The following SRC variants were observed in gnomAD, a reference collection of about 807,000 sequenced individuals.
SRC encodes SRC proto-oncogene, non-receptor tyrosine kinase.
A neutral mutation model predicts 62.9 loss-of-function variants in SRC; 13 were observed. The ratio of observed to expected loss-of-function variants is 0.21; its 90% confidence interval spans 0.13 to 0.33. The LOEUF is 0.33. SRC is among the 10% of genes least tolerant of loss of function. SRC has a pLI of 1.00. For missense variants in SRC, 457 were observed against 737.3 expected (o/e 0.62, Z 4.40); for synonymous variants, 302 against 317.5 (o/e 0.95, Z 0.52).
intron 1 of SRC, among the ~76,000 whole-genome samples, chr20:37,355,702 C>T (rs570848352): frequency 6.6e-6 from 1 of 152,052 alleles, no homozygotes; most frequent in Non-Finnish European, 1.5e-5. Context: ...GAGAGCTTCC[C>T]GGAGGAGGTG....
At position 37,396,599 on chromosome 20, in the gene SRC, C is replaced by T; in HGVS notation, c.703+288C>T. 1 of 481,550 alleles carries T rather than the reference C, an allele frequency of 2.1e-6. No homozygotes were observed. Among genetic ancestry groups the T allele is most frequent in the East Asian group, 3.6e-5 (1 of 27,484 alleles). The allele number at this position is 481,550 out of a possible 1,614,324, so 29.8% of individuals were successfully genotyped here. On this transcript the variant is annotated intron_variant, in intron 8 of 13. Coordinates refer to ENST00000373578, the MANE Select transcript of SRC (RefSeq NM_198291.3). This position sits in a 1 kb window ranked among gnomAD's most constrained non-coding sequence, Gnocchi z 6.1. ...CAGCTGGCTGGTATGGAGGGGGCTGCCCTGAGGAGCCCCAGAGTAAGCTGG... is the reference window on the plus strand; with the variant it reads ...CAGCTGGCTGGTATGGAGGGGGCTGTCCTGAGGAGCCCCAGAGTAAGCTGG...
chr20:37,391,582 G>A (rs138981480), intron 5 of SRC, among the ~76,000 whole-genome samples: 32 of 152,244 alleles, frequency 2.1e-4, no homozygotes, highest in African/African-American at 7.0e-4. Context: ...GGCCAGGCGC[G>A]GTGGCTCACT....
At chr20:37,360,214 C>CTTTT (rs1268089245) in intron 1 of SRC, among the ~76,000 whole-genome samples, 2 of 117,744 alleles carry the variant, frequency 1.7e-5, no homozygotes, top group African/African-American at 9.1e-5. Flanking sequence ...CTTTCTCTCT[C>CTTTT]TCTCTTTTTT....
chr20:37,395,026 G>A (rs1158971382), intron 7 of SRC, among the ~76,000 whole-genome samples: 39 of 152,314 alleles, frequency 2.6e-4, no homozygotes, highest in Non-Finnish European at 5.4e-4. Flanking sequence ...TTGTGTGAGC[G>A]TGTGGCTACT....
chr20:37,364,174 C>T (rs2070025970), intron 1 of SRC, among the ~76,000 whole-genome samples: 1 of 152,168 alleles, frequency 6.6e-6, no homozygotes, highest in Non-Finnish European at 1.5e-5. Context: ...AGATGCCCTG[C>T]CGGGGCCTCC....
chr20:37,380,572 C>A (rs547123051), intron 2 of SRC, among the ~76,000 whole-genome samples: 1 of 152,334 alleles, frequency 6.6e-6, no homozygotes, highest in Non-Finnish European at 1.5e-5. Flanking sequence ...TGTGGCATTG[C>A]AGGAACAAAG....
At chr20:37,389,051 G>A (rs1231771452) in intron 5 of SRC, among the ~76,000 whole-genome samples, 1 of 152,126 alleles carries the variant, frequency 6.6e-6, no homozygotes, top group Non-Finnish European at 1.5e-5. Context: ...AGCTAGAGGA[G>A]GAACCCGTCT....
At chr20:37,400,349 G>A in intron 10 of SRC, 55 bp downstream of exon 10, 2 of 1,467,138 alleles carry the variant, frequency 1.4e-6, no homozygotes, top group South Asian at 1.4e-5. Flanking sequence ...AGGGCAGGGA[G>A]CATGAGCCTC....
upstream of SRC, chr20:37,344,889 TGA>T (rs1382069640): frequency 1.3e-5 from 2 of 152,440 alleles, no homozygotes; most frequent in Non-Finnish European, 2.9e-5. Context: ...GTTTTACAGG[TGA>T]GGGGGCTGGG....
intron 2 of SRC, among the ~76,000 whole-genome samples, chr20:37,368,888 C>T (rs1378281857): frequency 6.6e-6 from 1 of 151,942 alleles, no homozygotes; most frequent in South Asian, 2.1e-4. Context: ...TTATTTTTAC[C>T]TCTTTCATTT....
intron 2 of SRC, among the ~76,000 whole-genome samples, chr20:37,370,773 T>C (rs1399418131): frequency 6.6e-6 from 1 of 152,172 alleles, no homozygotes; most frequent in African/African-American, 2.4e-5. Context: ...GTGGTTATGG[T>C]ATCGGGGTAA....
At chr20:37,349,045 G>T (rs929623606) in intron 1 of SRC, among the ~76,000 whole-genome samples, 1 of 152,188 alleles carries the variant, frequency 6.6e-6, no homozygotes, top group African/African-American at 2.4e-5. Flanking sequence ...CTGGGGCCTT[G>T]TGGGCCCTGG....
In SRC at chr20:37,397,967, T is replaced by C. The variant is rs886099425; in HGVS notation, c.859+113T>C. 2 of 1,343,172 alleles carry C rather than the reference T, an allele frequency of 1.5e-6. No individual in the cohort carries two copies. Among genetic ancestry groups the C allele is most frequent in the East Asian group, 5.1e-5 (2 of 39,224 alleles). The allele number at this position is 1,343,172 out of a possible 1,614,324, so 83.2% of individuals were successfully genotyped here. On this transcript the variant is annotated intron_variant, in intron 9 of 13. Transcript: ENST00000373578. The surrounding 1 kb of genome is among the most constrained non-coding windows in gnomAD (Gnocchi z 4.1). ...CTGCCTCTGCTGGATGACGGGGCCC[T>C]GTTGTAAATCTGGAGCTCCCCAGCG...
rs771856516 is a variant in SRC at position 37,402,595 on chromosome 20, A to G, written c.1270+7A>G. On this transcript the variant is annotated splice_region_variant and intron_variant, in intron 12 of 13. Transcript: ENST00000373578. The surrounding 1 kb of genome is among the most constrained non-coding windows in gnomAD (Gnocchi z 6.2). The stretch of plus-strand genomic sequence containing the variant: ...GAGTACACGGCGCGGCAAGGTGGGC[A>G]GGGGCTGTGTGGTATGTCGCGCTTG... 10 of 1,608,162 alleles carry G rather than the reference A, an allele frequency of 6.2e-6. No homozygotes were observed. The highest frequency in any genetic ancestry group is 8.5e-6 in the Non-Finnish European group (10 of 1,176,168).
At chr20:37,347,064 C>CT (rs533781583) in intron 1 of SRC, among the ~76,000 whole-genome samples, 282 of 152,296 alleles carry the variant, frequency 1.9e-3, no homozygotes, top group African/African-American at 6.7e-3. Context: ...AATTGCTAGG[C>CT]TGGTGGAAGG....
chr20:37,361,101 T>C (rs759076010), intron 1 of SRC, among the ~76,000 whole-genome samples: 35 of 135,628 alleles, frequency 2.6e-4, no homozygotes, highest in Non-Finnish European at 5.2e-4. Context: ...TAGTTCATGG[T>C]GGGGCAGTGA....
rs1404777861 is a variant in SRC, at chr20:37,396,871, TGTC to T, written c.703+561_703+563del. 1 of 158,516 alleles carries T rather than the reference TGTC, an allele frequency of 6.3e-6. No individual in the cohort carries two copies. The highest frequency in any genetic ancestry group is 2.4e-5 in the African/African-American group (1 of 41,482). The allele number at this position is 158,516 out of a possible 1,614,324, so 9.8% of individuals were successfully genotyped here. ...GCCTGTGGGTGCCTGTGTGCCCGTGTGTCTGTGGCACACATGGCCTCTGTGCAC... is the reference window on the plus strand; with the variant it reads ...GCCTGTGGGTGCCTGTGTGCCCGTGTTGTGGCACACATGGCCTCTGTGCAC... On this transcript the variant is annotated intron_variant, in intron 8 of 13. Transcript: ENST00000373578. This position sits in a 1 kb window ranked among gnomAD's most constrained non-coding sequence, Gnocchi z 6.1.
rs1312305624 is a variant in SRC at position 37,396,423 on chromosome 20, C to G, written c.703+112C>G. ...GGACTTCTGTTATCCTGCTTCTCTCCCCACTTCCCCCTCCCCCCTCCCTTC... is the reference window on the plus strand; with the variant it reads ...GGACTTCTGTTATCCTGCTTCTCTCGCCACTTCCCCCTCCCCCCTCCCTTC... On this transcript the variant is annotated intron_variant, in intron 8 of 13. Transcript: ENST00000373578. This position sits in a 1 kb window ranked among gnomAD's most constrained non-coding sequence, Gnocchi z 6.1. 1 of 1,224,526 alleles carries G rather than the reference C, an allele frequency of 8.2e-7. No individual in the cohort carries two copies. The highest frequency in any genetic ancestry group is 1.1e-6 in the Non-Finnish European group (1 of 881,524). 75.9% of individuals were successfully genotyped at this position (1,224,526 alleles called of 1,614,324 possible).
At chr20:37,348,277 C>T (rs1228621841) in intron 1 of SRC, among the ~76,000 whole-genome samples, 1 of 152,170 alleles carries the variant, frequency 6.6e-6, no homozygotes, top group Admixed American at 6.5e-5. Context: ...GCTTTTGCTT[C>T]TCTGATTGTG....
Sources: allele counts gnomAD v4.1 joint callset (sites outside exome capture counted in the v4.1 genomes callset), GRCh38; gene constraint gnomAD v4.1.1; non-coding constraint Gnocchi (gnomAD v3.1); transcripts MANE v1.5; gene names NCBI Gene and HGNC (gene_info 2026-07-23, HGNC 2026-07-21).